The following FAM124B variants were observed in gnomAD, a reference collection of about 807,000 sequenced individuals.
The protein encoded by FAM124B is family with sequence similarity 124 member B.
A neutral mutation model predicts 19.7 loss-of-function variants in FAM124B; 18 were observed. That is an observed-to-expected ratio of 0.92 (90% CI 0.63 to 1.36). The LOEUF (loss-of-function observed/expected upper bound fraction) is 1.36, where lower values mean the gene tolerates loss of function less well. FAM124B is among the 40% of genes most tolerant of loss of function. FAM124B has a pLI of 0.00. For missense variants in FAM124B, 540 were observed against 553.3 expected (o/e 0.98, Z 0.24); for synonymous variants, 223 against 225.2 (o/e 0.99, Z 0.09).
rs74999600 is a variant in FAM124B at position 224,379,933 on chromosome 2, A to C, written c.1008T>G (p.Ser336=). Reference sequence around the variant, plus strand: ...TTCTGGCCCCGGATTCAAGGTGATGAGAAGACAGGTGCAGGTGGGCACCCA... The same window carrying C: ...TTCTGGCCCCGGATTCAAGGTGATGCGAAGACAGGTGCAGGTGGGCACCCA... ...PAMGAHLHLS[S]HHLESGARMK... is the part of the protein sequence containing the mutation. The change falls in exon 2 of 2, where the codon TCT becomes TCG. Residue 336 remains serine, a synonymous_variant. Coordinates refer to ENST00000409685, the MANE Select transcript of FAM124B (RefSeq NM_001122779.2). 3.8e-4 allele frequency: 589 copies of C among 1,551,830 alleles called. 7 individuals are homozygous for C. In the East Asian group the frequency reaches 0.014, roughly 36 times the overall value.
At chr2:224,393,495 T>C (rs564386335) in intron 1 of FAM124B, among the ~76,000 whole-genome samples, 1 of 152,310 alleles carries the variant, frequency 6.6e-6, no homozygotes, top group East Asian at 1.9e-4. Flanking sequence ...CTACTGAACA[T>C]CAAACAATGG....
At chr2:224,392,726 G>A (rs911394284) in intron 1 of FAM124B, among the ~76,000 whole-genome samples, 1 of 151,698 alleles carries the variant, frequency 6.6e-6, no homozygotes, top group African/African-American at 2.4e-5. Context: ...CTGCACTTCA[G>A]TCTGGGCAAC....
rs754512892 is a variant in FAM124B at position 224,401,211 on chromosome 2, G to C, written c.558C>G (p.Leu186=). Residue 186 remains leucine, a synonymous_variant, in exon 1 of 2, where the codon CTC becomes CTG. Transcript: ENST00000409685. The stretch of plus-strand genomic sequence containing the variant: ...TTCCCGGGGGCAGCTGCTTCAGGGA[G>C]AGCTGCAGAGCAAAGCTCTTGGAGG... ...LYASKSFALQ[L]SLKQLPPGMS... is the part of the protein sequence containing the mutation. 6.2e-7 allele frequency: 1 copy of C among 1,614,070 alleles called. No individual in the cohort carries two copies. Among genetic ancestry groups the C allele is most frequent in the South Asian group, 1.1e-5 (1 of 91,088 alleles).
intron 1 of FAM124B, among the ~76,000 whole-genome samples, chr2:224,392,817 G>A (rs1689910044): frequency 6.6e-6 from 1 of 151,246 alleles, no homozygotes; most frequent in Non-Finnish European, 1.5e-5. Context: ...GCTATACACA[G>A]TATAGTTACA....
intron 1 of FAM124B, among the ~76,000 whole-genome samples, chr2:224,381,482 C>T (rs1392740501): frequency 1.3e-5 from 2 of 151,662 alleles, no homozygotes; most frequent in Non-Finnish European, 2.9e-5. Flanking sequence ...TTTGGAAAAA[C>T]CAAAACTATG....
intron 1 of FAM124B, among the ~76,000 whole-genome samples, 165 bp downstream of exon 1, chr2:224,400,872 G>A (rs543076335): frequency 6.6e-6 from 1 of 152,300 alleles, no homozygotes; most frequent in East Asian, 1.9e-4. Flanking sequence ...AGGCCTGGAT[G>A]TTCCCAGAGA....
intron 1 of FAM124B, among the ~76,000 whole-genome samples, chr2:224,385,473 T>C (rs1279518880): frequency 1.6e-4 from 24 of 152,212 alleles, no homozygotes; most frequent in Non-Finnish European, 1.5e-5. Context: ...TCTTTTCTTC[T>C]CACTCTACCT....
rs541879782 is a variant in FAM124B at position 224,379,969 on chromosome 2, G to C, written c.972C>G (p.Ser324Arg). The C allele has an allele frequency of 2.0e-5, 31 of 1,551,760 alleles. No individual in the cohort carries two copies. In the South Asian group the frequency reaches 3.3e-4, roughly 17 times the overall value. The change falls in exon 2 of 2, where the codon AGC (serine) becomes AGG (arginine). Residue 324 changes from serine (S) to arginine (R), a missense_variant. Ser to Arg is a moderately radical substitution (Grantham distance 110). Transcript: ENST00000409685. ...GCAGGTGGGCACCCATAGCTGGGCT[G>C]CTGACCTGGAATGACCGGCCAGGGC... ...WKSPGRSFQV[S>R]SPAMGAHLHL...
Position 224,395,202 on chromosome 2 carries a change from A to G in FAM124B, c.732+5835T>C, listed in dbSNP as rs558246264. ...GGATTGCCCCTGCCAGGAGGAGGGC[A>G]GGAGATGAATGCATCAGCAGGTGAA... On this transcript the variant is annotated intron_variant, in intron 1 of 1. Coordinates refer to ENST00000409685, the MANE Select transcript of FAM124B (RefSeq NM_001122779.2). Among the ~76,000 whole-genome samples, 3 of 152,292 alleles carry G rather than the reference A, an allele frequency of 2.0e-5. No homozygotes were observed. In the South Asian group the frequency reaches 6.2e-4, roughly 32 times the overall value.
rs542474082 is a variant in FAM124B at position 224,398,223 on chromosome 2, G to A, written c.732+2814C>T. On this transcript the variant is annotated intron_variant, in intron 1 of 1. Transcript: ENST00000409685. Reference sequence around the variant, plus strand: ...AGCGATTCTCCTGCTTCAGCCTCCCGAGTAGCTGGGACTACGGGTGCACAC... The same window carrying A: ...AGCGATTCTCCTGCTTCAGCCTCCCAAGTAGCTGGGACTACGGGTGCACAC... 4.6e-5 allele frequency among the ~76,000 whole-genome samples: 7 copies of A among 152,170 alleles called. No homozygotes were observed. In the South Asian group the frequency reaches 6.2e-4, roughly 14 times the overall value.
At chr2:224,390,599 A>G (rs1265323577) in intron 1 of FAM124B, among the ~76,000 whole-genome samples, 2 of 152,072 alleles carry the variant, frequency 1.3e-5, no homozygotes, top group Admixed American at 6.5e-5. Context: ...ACCTCATAGG[A>G]AGGAATCCCA....
In FAM124B at chr2:224,401,893, T is replaced by C; in HGVS notation, c.-125A>G. ...GAAAACCTTCAGCTGCAGCGGCTAC[T>C]TCTGAGCAGAGCTCTTAACCAGACT... On this transcript the variant is annotated 5_prime_UTR_variant, in exon 1 of 2. Transcript: ENST00000409685. 2 of 1,161,216 alleles carry C rather than the reference T, an allele frequency of 1.7e-6. No homozygotes were observed. Among genetic ancestry groups the C allele is most frequent in the Non-Finnish European group, 2.4e-6 (2 of 830,826 alleles). 71.9% of individuals were successfully genotyped at this position (1,161,216 alleles called of 1,614,324 possible). A position where few individuals can be genotyped will look rare whatever the true frequency, so the allele number is the denominator to read the frequency against.
intron 1 of FAM124B, among the ~76,000 whole-genome samples, chr2:224,398,088 T>C (rs1404564230): frequency 6.6e-6 from 1 of 151,960 alleles, no homozygotes; most frequent in African/African-American, 2.4e-5. Context: ...CTCCAGCCTG[T>C]CTTTATCAGC....
intron 1 of FAM124B, among the ~76,000 whole-genome samples, chr2:224,393,011 C>T (rs753352274): frequency 6.6e-6 from 1 of 152,180 alleles, no homozygotes; most frequent in Non-Finnish European, 1.5e-5. Context: ...GCCACCGTAT[C>T]GAATAGCACA....
chr2:224,389,129 A>G (rs1309003484), intron 1 of FAM124B, among the ~76,000 whole-genome samples: 1 of 152,000 alleles, frequency 6.6e-6, no homozygotes, highest in Non-Finnish European at 1.5e-5. Context: ...ATGGGGTTTT[A>G]CCATGTTGGC....
rs117364877 is a variant in FAM124B at position 224,394,742 on chromosome 2, T to G, written c.732+6295A>C. On this transcript the variant is annotated intron_variant, in intron 1 of 1. Transcript: ENST00000409685. ...CTTTGAACTCTCCAGCCCTATACTT[T>G]GCTACAGCCCATTCAGTCAATCCCC... is the stretch of plus-strand genomic sequence containing the variant. Among the ~76,000 whole-genome samples the G allele has an allele frequency of 8.5e-4, 129 of 152,336 alleles. 4 individuals carry two copies. In the East Asian group the frequency reaches 0.019, roughly 23 times the overall value.
chr2:224,381,635 C>T (rs1196354480), intron 1 of FAM124B, among the ~76,000 whole-genome samples: 2 of 152,032 alleles, frequency 1.3e-5, no homozygotes, highest in African/African-American at 4.8e-5. Context: ...TTGTCCAAAC[C>T]CACAGAATGT....
chr2:224,389,904 T>G (rs1689852680), intron 1 of FAM124B, among the ~76,000 whole-genome samples: 1 of 151,914 alleles, frequency 6.6e-6, no homozygotes, highest in African/African-American at 2.4e-5. Context: ...TTTGGCAAAG[T>G]CTAGAAATAT....
Position 224,379,459 on chromosome 2 carries a change from G to C in FAM124B, c.*114C>G. ...ATAAAATCAATACAGATTGTGCATG[G>C]GGAGCATTCAGCCCCCCTCAGATGA... is the stretch of plus-strand genomic sequence containing the variant. On this transcript the variant is annotated 3_prime_UTR_variant, in exon 2 of 2. Transcript: ENST00000409685. The C allele has an allele frequency of 7.7e-7, 1 of 1,301,914 alleles. No homozygotes were observed. 80.6% of individuals were successfully genotyped at this position (1,301,914 alleles called of 1,614,324 possible).
Sources: gnomAD v4.1 joint callset for allele counts (sites outside exome capture counted in the v4.1 genomes callset) on GRCh38, gnomAD v4.1.1 for gene constraint, MANE v1.5 for transcripts, NCBI Gene and HGNC (gene_info 2026-07-23, HGNC 2026-07-21) for gene names.